ZNF420: variants seen among roughly 807,000 people sequenced by gnomAD.
ZNF420 encodes the protein zinc finger protein 420.
A neutral mutation model predicts 44.7 loss-of-function variants in ZNF420; 31 were observed. The observed-to-expected ratio is 0.69, with a 90% CI of 0.52 to 0.94. The LOEUF (loss-of-function observed/expected upper bound fraction) is 0.94, where lower values mean the gene tolerates loss of function less well. Among genes scored for constraint, ZNF420 ranks in the 40% least tolerant of loss-of-function variants. The pLI, the probability that ZNF420 is intolerant of heterozygous loss-of-function variation, is 0.00. For missense variants in ZNF420, 681 were observed against 827.9 expected, an observed-to-expected ratio of 0.82 and a Z score of 2.18; for synonymous variants, 245 against 267.4, an observed-to-expected ratio of 0.92 and a Z score of 0.82.
At chr19:37,037,515 A>T (rs934980852) in intron 1 of ZNF420, among the ~76,000 whole-genome samples, 2 of 152,212 alleles carry the variant, frequency 1.3e-5, no homozygotes, top group Admixed American at 1.3e-4. Context: ...TTTGGAGATT[A>T]TAGGATTTTG....
intron 1 of ZNF420, among the ~76,000 whole-genome samples, chr19:37,041,292 C>T (rs927217850): frequency 7.7e-5 from 11 of 142,024 alleles, no homozygotes; most frequent in Non-Finnish European, 1.4e-4. Context: ...GCCTGGGCGA[C>T]GGAGTGAAAC....
chr19:37,116,544 G>A lies in ZNF420; in HGVS notation c.137-10584G>A, dbSNP rs539021196. Among the ~76,000 whole-genome samples, 327 of 152,268 alleles carry A rather than the reference G, an allele frequency of 2.1e-3. 1 individual carries two copies. Among genetic ancestry groups the A allele is most frequent in the South Asian group, 6.8e-3 (33 of 4,824 alleles). On this transcript the variant is annotated intron_variant, in intron 4 of 4. Coordinates refer to ENST00000337995, the MANE Select transcript of ZNF420 (RefSeq NM_144689.5). ...AGCATGAACGACGCAGAAGACGGGT[G>A]ATTTCTGCATTTCCATCTGAGGTAC...
chr19:37,034,925 C>T (rs1180756667), intron 1 of ZNF420, among the ~76,000 whole-genome samples: 2 of 152,190 alleles, frequency 1.3e-5, no homozygotes, highest in African/African-American at 4.8e-5. Flanking sequence ...AGATTGCCTA[C>T]AGAGGCAAAA....
At chr19:37,106,220 C>T (rs924822695) in intron 4 of ZNF420, among the ~76,000 whole-genome samples, 2 of 152,108 alleles carry the variant, frequency 1.3e-5, no homozygotes, top group Admixed American at 1.3e-4. Flanking sequence ...GAGTTTTTAG[C>T]ATGAAGGGCT....
chr19:37,115,183 C>T (rs957966430), intron 4 of ZNF420: 5 of 170,862 alleles, frequency 2.9e-5, no homozygotes, highest in South Asian at 1.8e-4. Flanking sequence ...AAAGCACCTA[C>T]GTTGGACACC....
chr19:37,129,052 C>T lies in ZNF420; in HGVS notation c.2061C>T (p.Tyr687=). The T allele has an allele frequency of 6.2e-7, 1 of 1,608,530 alleles. No individual in the cohort carries two copies. Among genetic ancestry groups the T allele is most frequent in the Non-Finnish European group, 8.5e-7 (1 of 1,175,858 alleles). Residue 687 remains tyrosine (Y), a synonymous_variant, in exon 5 of 5, where the codon TAC becomes TAT. Transcript: ENST00000337995. ...GIDFSHGSQV[Y]M ...ACTTTAGTCATGGCTCACAAGTTTA[C>T]ATGTGAATTGTCTGATTATTTGAGA...
chr19:37,032,152 G>A (rs554847317), intron 1 of ZNF420, among the ~76,000 whole-genome samples: 9 of 151,952 alleles, frequency 5.9e-5, no homozygotes, highest in African/African-American at 2.2e-4. Context: ...AGACCATCCT[G>A]GCAAACATGG....
chr19:37,030,397 C>T (rs1360885963), intron 1 of ZNF420, among the ~76,000 whole-genome samples: 2 of 152,150 alleles, frequency 1.3e-5, no homozygotes, highest in Admixed American at 1.3e-4. Flanking sequence ...TTCTGACCTC[C>T]TGATCCTCCC....
intron 1 of ZNF420, among the ~76,000 whole-genome samples, chr19:37,037,562 G>T (rs562723381): frequency 6.6e-6 from 1 of 152,344 alleles, no homozygotes; most frequent in East Asian, 1.9e-4. Flanking sequence ...ACACTTGCAG[G>T]TTAACAGCCT....
chr19:37,116,531 G>A (rs1425939906), intron 4 of ZNF420, among the ~76,000 whole-genome samples: 5 of 152,154 alleles, frequency 3.3e-5, no homozygotes, highest in Non-Finnish European at 7.3e-5. Flanking sequence ...CATGAACGAC[G>A]CAGAAGACGG....
chr19:37,100,155 C>A (rs1222033172), intron 4 of ZNF420, among the ~76,000 whole-genome samples: 1 of 152,114 alleles, frequency 6.6e-6, no homozygotes. Flanking sequence ...GGTCTAGTTT[C>A]ATTCTTTTGC....
chr19:37,021,698 G>A (rs2074649587), intron 1 of ZNF420, among the ~76,000 whole-genome samples: 1 of 151,964 alleles, frequency 6.6e-6, no homozygotes, highest in African/African-American at 2.4e-5. Context: ...CAGCACTTTG[G>A]GAGGCCAAGG....
intron 4 of ZNF420, among the ~76,000 whole-genome samples, chr19:37,120,547 A>G (rs147367550): frequency 0.019 from 2,906 of 152,210 alleles, 76 homozygotes; most frequent in East Asian, 0.049. Context: ...GGAAGCACTC[A>G]CTTTGAAAAC....
At chr19:37,086,524 C>T (rs1447398726) in intron 2 of ZNF420, among the ~76,000 whole-genome samples, 1 of 152,078 alleles carries the variant, frequency 6.6e-6, no homozygotes, top group Non-Finnish European at 1.5e-5. Flanking sequence ...GTATGTAAAT[C>T]CTCTATATTG....
rs747907020 is a variant in ZNF420 at position 37,127,642 on chromosome 19, T to C, written c.651T>C (p.His217=). The C allele has an allele frequency of 1.9e-6, 3 of 1,613,964 alleles. No homozygotes were observed. Among genetic ancestry groups the C allele is most frequent in the South Asian group, 1.1e-5 (1 of 91,070 alleles). Residue 217 remains histidine (H), a synonymous_variant, in exon 5 of 5, where the codon CAT becomes CAC. Coordinates refer to ENST00000337995, the MANE Select transcript of ZNF420 (RefSeq NM_144689.5). ...SSQLILHHRI[H]TGEKPYKCEE... is the part of the protein sequence containing the mutation. ...AACTTATTTTACATCATAGAATTCA[T>C]ACTGGTGAAAAACCATATAAATGTG...
At chr19:37,008,154 C>A in intron 1 of ZNF420, 1 of 299,512 alleles carries the variant, frequency 3.3e-6, no homozygotes, top group South Asian at 2.9e-5. Flanking sequence ...AGGCTACTCT[C>A]TCACCCGAGG....
At chr19:37,111,810 G>C (rs1041661359) in intron 4 of ZNF420, 5 of 152,110 alleles carry the variant, frequency 3.3e-5, no homozygotes, top group Non-Finnish European at 5.9e-5. Context: ...CAGAGGAATG[G>C]TAAAAAAGCA....
intron 1 of ZNF420, among the ~76,000 whole-genome samples, chr19:37,022,735 A>C (rs751525572): frequency 6.6e-6 from 1 of 152,120 alleles, no homozygotes; most frequent in Non-Finnish European, 1.5e-5. Context: ...ACAGCAATAT[A>C]CTGTAGGTAC....
At chr19:37,013,384 A>G (rs2074586564) in intron 1 of ZNF420, among the ~76,000 whole-genome samples, 1 of 152,116 alleles carries the variant, frequency 6.6e-6, no homozygotes, top group Admixed American at 6.5e-5. Flanking sequence ...CGTCTGGGGA[A>G]TGGGTCCCTG....
Sources: gnomAD v4.1 joint callset for allele counts (sites outside exome capture counted in the v4.1 genomes callset) on GRCh38, gnomAD v4.1.1 for gene constraint, MANE v1.5 for transcripts, NCBI Gene and HGNC (gene_info 2026-07-23, HGNC 2026-07-21) for gene names.